ZBTB16: variants seen among roughly 807,000 people sequenced by gnomAD.
ZBTB16 encodes the protein zinc finger and BTB domain containing 16.
ZBTB16 carries 8 observed loss-of-function variants against 56.8 expected under a neutral mutation model. The observed-to-expected ratio is 0.14, with a 90% CI of 0.08 to 0.25. ZBTB16 has a LOEUF of 0.25. Ranked by LOEUF, ZBTB16 falls within the 10% of genes least tolerant of loss-of-function variation. ZBTB16 has a pLI of 1.00. For synonymous variants in ZBTB16, 363 were observed against 368.5 expected (o/e 0.98, Z 0.17); for missense variants, 625 against 903.0 (o/e 0.69, Z 3.95).
Position 114,150,434 on chromosome 11 carries a change from A to G in ZBTB16, c.1269-5903A>G, listed in dbSNP as rs575686406. On this transcript the variant is annotated intron_variant, in intron 2 of 6. Transcript: ENST00000335953. ...AGGATCACTTGAGCCTAGGGGTTCA[A>G]GACCAGCCCAGACAACATAGCAAGA... Among the ~76,000 whole-genome samples the G allele has an allele frequency of 2.7e-4, 41 of 152,334 alleles. No individual in the cohort carries two copies. The South Asian group carries it at 8.1e-3, about 30-fold the overall frequency.
intron 4 of ZBTB16, among the ~76,000 whole-genome samples, chr11:114,224,545 A>C (rs1944294126): frequency 6.6e-6 from 1 of 152,188 alleles, no homozygotes; most frequent in Non-Finnish European, 1.5e-5. Flanking sequence ...AGAGAGACCC[A>C]CTGGATATGT....
At chr11:114,116,452 C>T (rs1232951743) in intron 2 of ZBTB16, among the ~76,000 whole-genome samples, 4 of 152,180 alleles carry the variant, frequency 2.6e-5, no homozygotes, top group African/African-American at 9.6e-5. Flanking sequence ...TAACCCTCAG[C>T]TCAGAAGATG....
At chr11:114,178,722 G>T (rs1319968652) in intron 3 of ZBTB16, among the ~76,000 whole-genome samples, 1 of 152,156 alleles carries the variant, frequency 6.6e-6, no homozygotes, top group Non-Finnish European at 1.5e-5. Flanking sequence ...AAGAGACAAG[G>T]GCACCATGCA....
intron 2 of ZBTB16, among the ~76,000 whole-genome samples, chr11:114,083,577 C>T (rs1038851603): frequency 6.6e-6 from 1 of 152,158 alleles, no homozygotes; most frequent in Admixed American, 6.5e-5. Context: ...GTGCCCTCTC[C>T]CCTCTGCCCT....
At position 114,186,952 on chromosome 11, in the gene ZBTB16, C is replaced by T. The variant is rs1227118864; in HGVS notation, c.1367C>T (p.Ala456Val). 3 of 1,613,860 alleles carry T rather than the reference C, an allele frequency of 1.9e-6. No homozygotes were observed. Among genetic ancestry groups the T allele is most frequent in the South Asian group, 1.1e-5 (1 of 91,074 alleles). ...GGTAACTGCCTCTCCTTTCTTTCAG[C>T]GGGTGCCAAAGCCTTTGTCTGTGAT... The part of the protein sequence containing the change: ...RLRMHLLAHS[A>V]GAKAFVCDQC... Residue 456 changes from alanine (A) to valine (V), a missense_variant and splice_region_variant, in exon 4 of 7, where the codon GCG becomes GTG. Ala to Val is a moderately conservative substitution (Grantham distance 64, BLOSUM62 0). Around this residue, in one of 6 missense-constraint regions of ZBTB16, gnomAD observed 140 missense variants for 214.8 expected, o/e 0.65. Coordinates refer to ENST00000335953, the MANE Select transcript of ZBTB16 (RefSeq NM_006006.6).
intron 2 of ZBTB16, among the ~76,000 whole-genome samples, chr11:114,077,934 T>C (rs1939627975): frequency 6.6e-6 from 1 of 152,236 alleles, no homozygotes; most frequent in Non-Finnish European, 1.5e-5. Flanking sequence ...TGTGGTCTGT[T>C]TAACAACCTA....
At chr11:114,118,078 GGT>G (rs1222260100) in intron 2 of ZBTB16, among the ~76,000 whole-genome samples, 2 of 152,148 alleles carry the variant, frequency 1.3e-5, no homozygotes, top group Admixed American at 6.5e-5. Flanking sequence ...CAGGACCCCA[GGT>G]GTGTGTGTCT....
At chr11:114,105,244 C>CTT (rs560912055) in intron 2 of ZBTB16, among the ~76,000 whole-genome samples, 7,872 of 145,830 alleles carry the variant, frequency 0.054, 613 homozygotes, top group African/African-American at 0.17. Flanking sequence ...CTCTCTCTCT[C>CTT]TTTTTTTTTT....
chr11:114,207,843 A>C (rs1943917329), intron 4 of ZBTB16, among the ~76,000 whole-genome samples: 1 of 152,104 alleles, frequency 6.6e-6, no homozygotes, highest in Non-Finnish European at 1.5e-5. Flanking sequence ...CGAACTCCTG[A>C]CCTCAAGTGA....
chr11:114,212,171 A>AT (rs1359177343), intron 4 of ZBTB16, among the ~76,000 whole-genome samples: 1 of 151,170 alleles, frequency 6.6e-6, no homozygotes, highest in Non-Finnish European at 1.5e-5. Flanking sequence ...TGTCAATGAA[A>AT]TTTTTTTTTC....
intron 4 of ZBTB16, chr11:114,187,290 C>T (rs1260197542): frequency 1.7e-6 from 1 of 589,364 alleles, no homozygotes; most frequent in African/African-American, 1.9e-5. Flanking sequence ...TGTCTCTAAC[C>T]AGCCACTGAG....
chr11:114,172,602 A>G (rs551861535), intron 3 of ZBTB16, among the ~76,000 whole-genome samples: 1 of 152,170 alleles, frequency 6.6e-6, no homozygotes, highest in African/African-American at 2.4e-5. Flanking sequence ...CAGGCTGCCC[A>G]TTTCTCCCAG....
rs1037035391 is a variant in ZBTB16 at position 114,063,006 on chromosome 11, T to C, written c.-90-205T>C. ...TGCTGTGGCAGAACCTTCTTTTTAC[T>C]CTCAGCATCCCTGGCTTGAAAGGCA... On this transcript the variant is annotated intron_variant, in intron 1 of 6. Transcript: ENST00000335953. The surrounding 1 kb of genome is among the most constrained non-coding windows in gnomAD (Gnocchi z 6.5). 1.3e-5 allele frequency among the ~76,000 whole-genome samples: 2 copies of C among 152,204 alleles called. No individual in the cohort carries two copies. Among genetic ancestry groups the C allele is most frequent in the Non-Finnish European group, 2.9e-5 (2 of 68,026 alleles).
intron 3 of ZBTB16, among the ~76,000 whole-genome samples, chr11:114,186,187 C>G (rs1250748370): frequency 1.3e-5 from 2 of 152,112 alleles, no homozygotes; most frequent in South Asian, 4.1e-4. Flanking sequence ...CGAACAGGAG[C>G]TCCAACTGCA....
intron 3 of ZBTB16, among the ~76,000 whole-genome samples, chr11:114,168,816 G>A (rs1942870113): frequency 6.6e-6 from 1 of 152,204 alleles, no homozygotes; most frequent in Admixed American, 6.5e-5. Context: ...TGGGGAGGGT[G>A]GCATAGTAAT....
intron 2 of ZBTB16, among the ~76,000 whole-genome samples, chr11:114,082,143 A>C (rs1049161165): frequency 6.7e-6 from 1 of 150,186 alleles, no homozygotes; most frequent in Non-Finnish European, 1.5e-5. Flanking sequence ...TTAAAAATGC[A>C]GCTGTGCATG....
At chr11:114,235,790 CCTT>C (rs1399664838) in intron 4 of ZBTB16, among the ~76,000 whole-genome samples, 6 of 137,394 alleles carry the variant, frequency 4.4e-5, no homozygotes, top group African/African-American at 6.4e-5. Context: ...CCTTCCTTCT[CCTT>C]TTTTTTTTTT....
chr11:114,222,390 T>G (rs1944246489), intron 4 of ZBTB16, among the ~76,000 whole-genome samples: 1 of 152,236 alleles, frequency 6.6e-6, no homozygotes, highest in East Asian at 1.9e-4. Flanking sequence ...CTACGGCTTG[T>G]CTTTCTTATT....
intron 2 of ZBTB16, among the ~76,000 whole-genome samples, chr11:114,091,684 A>G (rs1022362252): frequency 6.9e-6 from 1 of 145,010 alleles, no homozygotes; most frequent in Admixed American, 7.1e-5. Context: ...AGCATGACAC[A>G]GTTCCTATTT....
Sources: allele counts gnomAD v4.1 joint callset (sites outside exome capture counted in the v4.1 genomes callset), GRCh38; gene constraint gnomAD v4.1.1; regional missense constraint gnomAD v4.1.1; non-coding constraint Gnocchi (gnomAD v3.1); transcripts MANE v1.5; gene names NCBI Gene and HGNC (gene_info 2026-07-23, HGNC 2026-07-21).